The following RCOR2 variants were observed in gnomAD, a reference collection of about 807,000 sequenced individuals.
The protein encoded by RCOR2 is REST corepressor 2.
In RCOR2, 19 loss-of-function variants were observed where a neutral mutation model predicts 58.9. That is an observed-to-expected ratio of 0.32 (90% CI 0.23 to 0.47). RCOR2 has a LOEUF of 0.47. RCOR2 is among the 20% of genes least tolerant of loss of function. The pLI, the probability that RCOR2 is intolerant of heterozygous loss-of-function variation, is 1.00. For synonymous variants in RCOR2, 286 were observed against 278.7 expected, an observed-to-expected ratio of 1.03 and a Z score of -0.26; for missense variants, 590 against 707.9, an observed-to-expected ratio of 0.83 and a Z score of 1.89.
chr11:63,915,774 C>A (rs1423020053), intron 1 of RCOR2, among the ~76,000 whole-genome samples, 163 bp from the exon 2 acceptor site: 2 of 152,174 alleles, frequency 1.3e-5, no homozygotes, highest in Non-Finnish European at 2.9e-5. Context: ...CAGTTACCTG[C>A]AGCCACAGAA....
In RCOR2 at chr11:63,911,598, A is replaced by G. The variant is rs1010053274; in HGVS notation, c.*267T>C. ...AGAGGCCAAGCCCCAGCAGACTAGG[A>G]CACAGCCATTCCAGTACCGGCCAGG... On this transcript the variant is annotated 3_prime_UTR_variant, in exon 12 of 12. Transcript: ENST00000301459. 6.1e-5 allele frequency: 25 copies of G among 411,102 alleles called. No individual in the cohort carries two copies. The highest frequency in any genetic ancestry group is 9.3e-5 in the Non-Finnish European group (22 of 235,534). The allele number at this position is 411,102 out of a possible 1,614,324, so 25.5% of individuals were successfully genotyped here.
intron 1 of RCOR2, 81 bp downstream of exon 1, chr11:63,916,249 T>A: frequency 1.6e-6 from 2 of 1,244,396 alleles, no homozygotes; most frequent in Non-Finnish European, 2.2e-6. Context: ...AACAGGCTCG[T>A]GGTCTGCAAC....
the RCOR2 span, among the ~76,000 whole-genome samples, chr11:63,924,575 A>C: frequency 2.6e-5 from 4 of 152,108 alleles, no homozygotes; most frequent in Non-Finnish European, 5.9e-5. Context: ...CTGATCTATC[A>C]GTCTCCAACT....
At position 63,916,612 on chromosome 11, in the gene RCOR2, G is replaced by A; in HGVS notation, c.-156C>T. On this transcript the variant is annotated 5_prime_UTR_variant, in exon 1 of 12. Coordinates refer to ENST00000301459, the MANE Select transcript of RCOR2 (RefSeq NM_173587.4). Reference sequence around the variant, plus strand: ...AGCGTGGCTAGGGTCCGGCGGGGTGGGAGCCCACCTGGTAGCCCCAGCGCT... The same window carrying A: ...AGCGTGGCTAGGGTCCGGCGGGGTGAGAGCCCACCTGGTAGCCCCAGCGCT... 2 of 1,297,342 alleles carry A rather than the reference G, an allele frequency of 1.5e-6. No individual in the cohort carries two copies. Among genetic ancestry groups the A allele is most frequent in the Non-Finnish European group, 2.0e-6 (2 of 976,888 alleles). 80.4% of individuals were successfully genotyped at this position (1,297,342 alleles called of 1,614,324 possible). A position where few individuals can be genotyped will look rare whatever the true frequency, so the allele number is the denominator to read the frequency against.
chr11:63,912,562 C>T (rs1444695933), intron 10 of RCOR2, 28 bp from the exon 11 acceptor site: 50 of 1,599,052 alleles, frequency 3.1e-5, no homozygotes, highest in Non-Finnish European at 4.2e-5. Flanking sequence ...GCAGCAGCGT[C>T]AATACCCCTT....
chr11:63,922,502 G>T, the RCOR2 span, among the ~76,000 whole-genome samples: 1 of 151,982 alleles, frequency 6.6e-6, no homozygotes, highest in African/African-American at 2.4e-5. Context: ...ACAGACATGC[G>T]CCACCACGCC....
Position 63,916,199 on chromosome 11 carries a change from G to A in RCOR2, c.127+131C>T, listed in dbSNP as rs1169506763. On this transcript the variant is annotated intron_variant, in intron 1 of 11. Transcript: ENST00000301459. ...AGCCTGGGTTTGTGGGAGAAGCAAC[G>A]CAGAGGCTCCAATCCAGGAGAGGCA... 3.4e-6 allele frequency: 3 copies of A among 870,010 alleles called. No individual in the cohort carries two copies. The African/African-American group carries it at 5.1e-5, about 15-fold the overall frequency. 53.9% of individuals were successfully genotyped at this position (870,010 alleles called of 1,614,324 possible).
the RCOR2 span, among the ~76,000 whole-genome samples, chr11:63,925,726 G>A: frequency 6.6e-6 from 1 of 151,442 alleles, no homozygotes; most frequent in Non-Finnish European, 1.5e-5. Context: ...GCTGAGGTGG[G>A]AGGATCGCTT....
At chr11:63,924,895 G>A in the RCOR2 span, among the ~76,000 whole-genome samples, 50 of 149,050 alleles carry the variant, frequency 3.4e-4, no homozygotes, top group African/African-American at 1.2e-3. Context: ...TTGTTGCCCA[G>A]GCTGGAGTGC....
At chr11:63,916,203 A>T (rs747749014) in intron 1 of RCOR2, 127 bp downstream of exon 1, 50 of 882,066 alleles carry the variant, frequency 5.7e-5, no homozygotes, top group Non-Finnish European at 1.2e-5. Context: ...AGCAACGCAG[A>T]GGCTCCAATC....
At chr11:63,917,253 G>T (rs1021207068), upstream of RCOR2, among the ~76,000 whole-genome samples, 1 of 152,094 alleles carries the variant, frequency 6.6e-6, no homozygotes, top group Non-Finnish European at 1.5e-5. Context: ...CTGGCCCTGG[G>T]GTGGGAGGGA....
At chr11:63,915,373 G>T (rs1334780175) in intron 2 of RCOR2, 115 bp from the exon 3 acceptor site, 1 of 1,142,574 alleles carries the variant, frequency 8.8e-7, no homozygotes, top group Non-Finnish European at 1.3e-6. Flanking sequence ...GGCCCAGAAG[G>T]GAAGGAGGGG....
Position 63,914,056 on chromosome 11 carries a change from C to T in RCOR2, c.789G>A (p.Met263Ile). The T allele has an allele frequency of 6.2e-7, 1 of 1,613,866 alleles. No homozygotes were observed. Among genetic ancestry groups the T allele is most frequent in the Non-Finnish European group, 8.5e-7 (1 of 1,179,968 alleles). The stretch of plus-strand genomic sequence containing the variant: ...CCGTGAGGCCTTCAGGGCTCAGGTA[C>T]ATGCCCTTGGGTGGGCGACGCCGGG... ...LRTRRRPPKG[M>I]YLSPEGLTAV... The change falls in exon 8 of 12, where the codon ATG (methionine) becomes ATA (isoleucine). Residue 263 changes from methionine (M) to isoleucine (I), a missense_variant. Physicochemically the swap from Met to Ile is conservative, Grantham distance 10. Transcript: ENST00000301459.
chr11:63,914,137 TG>T lies in RCOR2; in HGVS notation c.707del (p.Pro236GlnfsTer30), dbSNP rs1479245330. 1 of 1,613,820 alleles carries T rather than the reference TG, an allele frequency of 6.2e-7. No homozygotes were observed. Among genetic ancestry groups the T allele is most frequent in the South Asian group, 1.1e-5 (1 of 91,070 alleles). ...PLPSRPLNARPGPGKKEVQVS... is the reference protein window; with the variant it reads ...PLPSRPLNARXGPGKKEVQVS... ...CCTGGACCTCCTTTTTCCCAGGGCC[TG>T]GGCGTGCATTCAGGGGCCGAGAGGG... On this transcript the variant is annotated frameshift_variant, in exon 8 of 12. Coordinates refer to ENST00000301459, the MANE Select transcript of RCOR2 (RefSeq NM_173587.4). LOFTEE classifies it high-confidence loss of function.
rs1941759050 is a variant in RCOR2 at position 63,911,687 on chromosome 11, G to A, written c.*178C>T. 1 of 1,061,038 alleles carries A rather than the reference G, an allele frequency of 9.4e-7. No homozygotes were observed. The highest frequency in any genetic ancestry group is 4.0e-5 in the Admixed American group (1 of 25,070). 65.7% of individuals were successfully genotyped at this position (1,061,038 alleles called of 1,614,324 possible). A position where few individuals can be genotyped will look rare whatever the true frequency, so the allele number is the denominator to read the frequency against. On this transcript the variant is annotated 3_prime_UTR_variant, in exon 12 of 12. Transcript: ENST00000301459. ...GCCCGGCCATGGCCCCAGGAGACAG[G>A]CCCAGCTGCCAGGAACACATGCAGA...
In RCOR2 at chr11:63,915,556, A is replaced by C. The variant is rs762912990; in HGVS notation, c.183T>G (p.Pro61=). 7.7e-6 allele frequency: 12 copies of C among 1,554,008 alleles called. No individual in the cohort carries two copies. The highest frequency in any genetic ancestry group is 1.0e-5 in the Non-Finnish European group (12 of 1,148,368). Residue 61 remains proline, a splice_region_variant and synonymous_variant, in exon 2 of 12, where the codon CCT becomes CCG. Coordinates refer to ENST00000301459, the MANE Select transcript of RCOR2 (RefSeq NM_173587.4). The part of the protein sequence containing the change: ...NYQAVIPECK[P]ESPARYSNKE... ...TTCACAGCCTGTCCTGCGGCTCACCAGGCTTGCACTCCGGAATTACGGCCT... is the reference window on the plus strand; with the variant it reads ...TTCACAGCCTGTCCTGCGGCTCACCCGGCTTGCACTCCGGAATTACGGCCT...
At chr11:63,924,320 G>C in the RCOR2 span, among the ~76,000 whole-genome samples, 1 of 152,132 alleles carries the variant, frequency 6.6e-6, no homozygotes, top group East Asian at 1.9e-4. Context: ...CAATTCTCCT[G>C]CCTCAGTCTC....
rs749806083 is a variant in RCOR2, at chr11:63,915,589, G to T, written c.150C>A (p.Thr50=). The T allele has an allele frequency of 1.4e-6, 2 of 1,458,354 alleles. No homozygotes were observed. The highest frequency in any genetic ancestry group is 9.2e-7 in the Non-Finnish European group (1 of 1,088,172). 90.3% of individuals were successfully genotyped at this position (1,458,354 alleles called of 1,614,324 possible). The change falls in exon 2 of 12, where the codon ACC becomes ACA. Residue 50 remains threonine (T), a synonymous_variant. Transcript: ENST00000301459. ...HSHDSMIRVG[T]NYQAVIPECK... is the part of the protein sequence containing the mutation. ...ACTCCGGAATTACGGCCTGGTAATT[G>T]GTTCCAACGCGGATCATGCTGTCTG...
Position 63,916,516 on chromosome 11 carries a change from C to A in RCOR2, c.-60G>T. ...CTTCGGAGAGCGACAGTGGTTGCCG[C>A]ACTCGCTCCGAGTGCCGAGCCCGGC... On this transcript the variant is annotated 5_prime_UTR_variant, in exon 1 of 12. Transcript: ENST00000301459. The A allele has an allele frequency of 6.5e-7, 1 of 1,548,882 alleles. No homozygotes were observed. Among genetic ancestry groups the A allele is most frequent in the Non-Finnish European group, 8.7e-7 (1 of 1,150,434 alleles).
Sources: gnomAD v4.1 joint callset for allele counts (sites outside exome capture counted in the v4.1 genomes callset) on GRCh38, gnomAD v4.1.1 for gene constraint, MANE v1.5 for transcripts, NCBI Gene and HGNC (gene_info 2026-07-23, HGNC 2026-07-21) for gene names.